CHL1: variants seen among roughly 807,000 people sequenced by gnomAD.
CHL1 encodes the protein cell adhesion molecule L1 like.
Under a neutral mutation model 141.9 loss-of-function variants are expected in CHL1, and 96 were observed. That is an observed-to-expected ratio of 0.68 (90% CI 0.57 to 0.80). The LOEUF is 0.80. Ranked by LOEUF, CHL1 falls within the 30% of genes least tolerant of loss-of-function variation. The probability of loss-of-function intolerance (pLI) is 0.00; values close to 1 mark genes in which losing one functional copy is unlikely to be tolerated. For missense variants in CHL1, 1,820 were observed against 1,457.2 expected, an observed-to-expected ratio of 1.25 and a Z score of -4.05; for synonymous variants, 613 against 502.2, an observed-to-expected ratio of 1.22 and a Z score of -2.95.
chr3:219,337 G>T (rs1221520621), intron 1 of CHL1, among the ~76,000 whole-genome samples: 3 of 151,888 alleles, frequency 2.0e-5, no homozygotes, highest in Non-Finnish European at 4.4e-5. Context: ...ATTCCCAAAG[G>T]AATATAAATT....
Position 377,848 on chromosome 3 carries a change from A to G in CHL1, c.1782A>G (p.Ile594Met), listed in dbSNP as rs1706531869. The change falls in exon 16 of 28, where the codon ATA becomes ATG. Residue 594 changes from isoleucine (I) to methionine (M), a missense_variant. Transcript: ENST00000256509. ...TTATTGATGGAGCTAATTTGACCAT[A>G]TCTAATGTAACTTTAGAGGACCAAG... ...RIIIDGANLT[I>M]SNVTLEDQGI... 1 of 1,609,168 alleles carries G rather than the reference A, an allele frequency of 6.2e-7. No homozygotes were observed. Among genetic ancestry groups the G allele is most frequent in the Non-Finnish European group, 8.5e-7 (1 of 1,175,852 alleles).
chr3:387,582 T>C (rs1707856954), intron 19 of CHL1, among the ~76,000 whole-genome samples: 1 of 152,234 alleles, frequency 6.6e-6, no homozygotes, highest in African/African-American at 2.4e-5. Flanking sequence ...TAAATTTAAC[T>C]CCTTTCTTTG....
intron 3 of CHL1, among the ~76,000 whole-genome samples, chr3:324,282 G>A (rs924799600): frequency 6.6e-6 from 1 of 152,022 alleles, no homozygotes; most frequent in Non-Finnish European, 1.5e-5. Flanking sequence ...TTTAAGTTAG[G>A]CTCTGTGCCT....
intron 11 of CHL1, 71 bp from the exon 12 acceptor site, chr3:360,213 A>G (rs1704101631): frequency 3.9e-6 from 6 of 1,519,344 alleles, no homozygotes; most frequent in South Asian, 2.4e-5. Flanking sequence ...TGTGTGACAC[A>G]TTTAATAAAT....
chr3:335,287 T>G (rs1039289447), intron 5 of CHL1, among the ~76,000 whole-genome samples: 1 of 152,228 alleles, frequency 6.6e-6, no homozygotes, highest in African/African-American at 2.4e-5. Context: ...AGTTCGAGGA[T>G]TTTACTCTGA....
chr3:227,202 T>G (rs1376001777), intron 1 of CHL1, among the ~76,000 whole-genome samples: 1 of 152,200 alleles, frequency 6.6e-6, no homozygotes, highest in Non-Finnish European at 1.5e-5. Context: ...AGAGAGTAGT[T>G]TTTAAAATAT....
Position 354,742 on chromosome 3 carries a change from A to G in CHL1, c.1136A>G (p.Lys379Arg), listed in dbSNP as rs575005424. The G allele has an allele frequency of 9.3e-6, 15 of 1,613,914 alleles. No individual in the cohort carries two copies. In the South Asian group the frequency reaches 1.2e-4, roughly 13 times the overall value. ...EAEGEPQPTI[K>R]WRVNGSPVDN... Reference sequence around the variant, plus strand: ...GAAGGAGAACCTCAACCCACAATCAAGTGGAGAGTCAATGGCTCCCCAGTT... The same window carrying G: ...GAAGGAGAACCTCAACCCACAATCAGGTGGAGAGTCAATGGCTCCCCAGTT... Residue 379 changes from lysine to arginine, a missense_variant, in exon 11 of 28, where the codon AAG becomes AGG. Transcript: ENST00000256509.
In CHL1 at chr3:400,786, A is replaced by G. The variant is rs1264158146; in HGVS notation, c.3386-840A>G. On this transcript the variant is annotated intron_variant, in intron 26 of 27. Coordinates refer to ENST00000256509, the MANE Select transcript of CHL1 (RefSeq NM_006614.4). ...CTCTGCACTCCAGCCTGGGCGACAGAGTGAGACTGTCTCAAAAAAAGTAAT... is the reference window on the plus strand; with the variant it reads ...CTCTGCACTCCAGCCTGGGCGACAGGGTGAGACTGTCTCAAAAAAAGTAAT... Among the ~76,000 whole-genome samples, 6 of 151,990 alleles carry G rather than the reference A, an allele frequency of 3.9e-5. No homozygotes were observed. In the South Asian group the frequency reaches 1.3e-3, roughly 32 times the overall value.
At chr3:321,593 A>G (rs939592363) in intron 3 of CHL1, among the ~76,000 whole-genome samples, 1 of 152,104 alleles carries the variant, frequency 6.6e-6, no homozygotes, top group Admixed American at 6.6e-5. Flanking sequence ...TCTGGCATAC[A>G]CATTTATTCT....
At position 354,756 on chromosome 3, in the gene CHL1, G is replaced by A; in HGVS notation, c.1150G>A (p.Gly384Ser). 1 of 1,613,690 alleles carries A rather than the reference G, an allele frequency of 6.2e-7. No homozygotes were observed. The change falls in exon 11 of 28, where the codon GGC (glycine) becomes AGC (serine). Residue 384 changes from glycine (G) to serine (S), a missense_variant. Coordinates refer to ENST00000256509, the MANE Select transcript of CHL1 (RefSeq NM_006614.4). ...PQPTIKWRVN[G>S]SPVDNHPFAG... ...ACCCACAATCAAGTGGAGAGTCAAT[G>A]GCTCCCCAGTTGACAGTAAGTTTAA...
chr3:328,371 G>A lies in CHL1; in HGVS notation c.385+17G>A, dbSNP rs773549861. Reference sequence around the variant, plus strand: ...TAGTTCCAAGTAAGTACTATAACGGGAATTTCATTTTACAAGTGTTTTAGT... The same window carrying A: ...TAGTTCCAAGTAAGTACTATAACGGAAATTTCATTTTACAAGTGTTTTAGT... On this transcript the variant is annotated intron_variant, in intron 5 of 27. Coordinates refer to ENST00000256509, the MANE Select transcript of CHL1 (RefSeq NM_006614.4). The A allele has an allele frequency of 9.5e-6, 15 of 1,582,678 alleles. No individual in the cohort carries two copies. The African/African-American group carries it at 1.8e-4, about 19-fold the overall frequency.
chr3:382,828 A>G (rs1418747445), intron 18 of CHL1, 157 bp downstream of exon 18: 2 of 666,668 alleles, frequency 3.0e-6, no homozygotes, highest in Non-Finnish European at 2.5e-6. Flanking sequence ...TTCAAAGCAC[A>G]CAAGTTTCAG....
At chr3:400,548 C>T (rs6803832) in intron 26 of CHL1, among the ~76,000 whole-genome samples, 141,672 of 149,020 alleles carry the variant, frequency 0.95, 67,743 homozygotes, top group East Asian at 1. Flanking sequence ...TGCATGTAGT[C>T]GTAAAATGTT....
chr3:319,971 T>G (rs1487932538), intron 3 of CHL1, 104 bp downstream of exon 3: 21 of 653,260 alleles, frequency 3.2e-5, no homozygotes, highest in Non-Finnish European at 5.4e-5. Context: ...CTACCATATT[T>G]CTATATATTC....
At chr3:366,659 A>G (rs1033422085) in intron 15 of CHL1, among the ~76,000 whole-genome samples, 1 of 151,312 alleles carries the variant, frequency 6.6e-6, no homozygotes, top group Non-Finnish European at 1.5e-5. Flanking sequence ...TAACCGAGGA[A>G]GAATTGCATG....
At chr3:340,768 C>A (rs758372177) in intron 5 of CHL1, 26 bp from the exon 6 acceptor site, 1 of 1,557,350 alleles carries the variant, frequency 6.4e-7, no homozygotes. Flanking sequence ...TTTAAAATAA[C>A]ACATTAAAAT....
At chr3:329,563 G>A (rs1701280987) in intron 5 of CHL1, among the ~76,000 whole-genome samples, 1 of 151,278 alleles carries the variant, frequency 6.6e-6, no homozygotes, top group African/African-American at 2.4e-5. Context: ...GGTTGATGCA[G>A]GGAAGAAAAA....
At chr3:287,956 T>C (rs1353666752) in intron 2 of CHL1, among the ~76,000 whole-genome samples, 2 of 152,122 alleles carry the variant, frequency 1.3e-5, no homozygotes, top group South Asian at 2.1e-4. Context: ...TTAGTAGAGA[T>C]GGGGTTTTAC....
intron 1 of CHL1, among the ~76,000 whole-genome samples, chr3:232,492 C>A (rs958584122): frequency 1.3e-5 from 2 of 151,888 alleles, no homozygotes; most frequent in African/African-American, 2.4e-5. Context: ...TTACTATGCC[C>A]CTTTGTAACA....
Sources: allele counts gnomAD v4.1 joint callset (sites outside exome capture counted in the v4.1 genomes callset), GRCh38; gene constraint gnomAD v4.1.1; transcripts MANE v1.5; gene names NCBI Gene and HGNC (gene_info 2026-07-23, HGNC 2026-07-21).